The following FAM107B variants were observed in gnomAD, a reference collection of about 807,000 sequenced individuals.
FAM107B encodes the protein protein FAM107B.
In FAM107B, 21 loss-of-function variants were observed where a neutral mutation model predicts 31.5. That is an observed-to-expected ratio of 0.67 (90% CI 0.47 to 0.96). FAM107B has a LOEUF of 0.96. Among genes scored for constraint, FAM107B ranks in the 40% least tolerant of loss-of-function variants. The pLI, the probability that FAM107B is intolerant of heterozygous loss-of-function variation, is 0.00. For missense variants in FAM107B, 452 were observed against 377.1 expected, an observed-to-expected ratio of 1.20 and a Z score of -1.64; for synonymous variants, 157 against 141.5, an observed-to-expected ratio of 1.11 and a Z score of -0.78.
rs182997801 is a variant in FAM107B at position 14,533,931 on chromosome 10, G to T, written c.470-3416C>A. Among the ~76,000 whole-genome samples the T allele has an allele frequency of 2.2e-3, 335 of 152,260 alleles. 2 individuals carry two copies. The highest frequency in any genetic ancestry group is 7.3e-3 in the African/African-American group (305 of 41,562). On this transcript the variant is annotated intron_variant, in intron 2 of 4. Transcript: ENST00000181796. ...CGGGCACTGCGAGCCGGTGCAGGAG[G>T]GGGGGGCTGCGGTTGACTTTTCAGA...
intron 2 of FAM107B, among the ~76,000 whole-genome samples, chr10:14,649,459 C>G (rs1429765398): frequency 6.6e-6 from 1 of 152,186 alleles, no homozygotes; most frequent in Non-Finnish European, 1.5e-5. Flanking sequence ...ACCATCTAGT[C>G]TCTCTGAAGC....
intron 1 of FAM107B, chr10:14,723,803 T>G (rs556444403): frequency 1.3e-6 from 1 of 757,824 alleles, no homozygotes; most frequent in Admixed American, 1.7e-5. Flanking sequence ...AGCAGGGCCC[T>G]CTGGCCAGTA....
intron 1 of FAM107B, among the ~76,000 whole-genome samples, chr10:14,770,990 A>T (rs1833289313): frequency 1.3e-5 from 2 of 150,578 alleles, no homozygotes; most frequent in African/African-American, 4.8e-5. Context: ...AAAAAAAAAA[A>T]AAAAAAAAAA....
intron 2 of FAM107B, among the ~76,000 whole-genome samples, chr10:14,580,276 C>T (rs111955156): frequency 6.6e-6 from 1 of 152,020 alleles, no homozygotes; most frequent in African/African-American, 2.4e-5. Flanking sequence ...AGGAGAATGG[C>T]GTGAACCCAG....
chr10:14,595,919 G>C (rs1852174428), intron 2 of FAM107B, among the ~76,000 whole-genome samples: 1 of 152,096 alleles, frequency 6.6e-6, no homozygotes, highest in African/African-American at 2.4e-5. Context: ...AGTCCCCGTG[G>C]CCCTCCACAA....
chr10:14,573,576 C>A lies in FAM107B; in HGVS notation c.470-43061G>T, dbSNP rs149817336. 3.7e-3 allele frequency among the ~76,000 whole-genome samples: 450 copies of A among 121,824 alleles called. 1 individual carries two copies. The highest frequency in any genetic ancestry group is 9.2e-3 in the Middle Eastern group (2 of 218). The allele number at this position is 121,824 out of a possible 152,430, so 79.9% of individuals were successfully genotyped here. On this transcript the variant is annotated intron_variant, in intron 2 of 4. Coordinates refer to ENST00000181796, the MANE Select transcript of FAM107B (RefSeq NM_031453.4). Reference sequence around the variant, plus strand: ...TGAAACCCCATCTCTATTAAAAATACAAAAAAAAAAAAAAAAAATTAGCAG... The same window carrying A: ...TGAAACCCCATCTCTATTAAAAATAAAAAAAAAAAAAAAAAAAATTAGCAG...
intron 2 of FAM107B, among the ~76,000 whole-genome samples, chr10:14,566,962 T>C (rs1416212605): frequency 1.3e-5 from 2 of 152,102 alleles, no homozygotes; most frequent in African/African-American, 2.4e-5. Context: ...CCATCCTGGC[T>C]AACACAGTAA....
chr10:14,727,691 T>G (rs1856069393), intron 1 of FAM107B, among the ~76,000 whole-genome samples: 1 of 152,208 alleles, frequency 6.6e-6, no homozygotes, highest in African/African-American at 2.4e-5. Flanking sequence ...GCAGCTGACT[T>G]AATAACAGAC....
Position 14,521,162 on chromosome 10 carries a change from A to T in FAM107B, c.*28T>A, listed in dbSNP as rs779476069. On this transcript the variant is annotated 3_prime_UTR_variant, in exon 5 of 5. Coordinates refer to ENST00000181796, the MANE Select transcript of FAM107B (RefSeq NM_031453.4). ...CACCCACAGACAGCTCTGTGGGGTG[A>T]CACACGAGGTCTTGGTGCAGCCTCA... 8 of 1,567,894 alleles carry T rather than the reference A, an allele frequency of 5.1e-6. No homozygotes were observed. Among genetic ancestry groups the T allele is most frequent in the Non-Finnish European group, 7.0e-6 (8 of 1,139,386 alleles).
In FAM107B at chr10:14,521,263, G is replaced by T; in HGVS notation, c.848C>A (p.Ala283Asp). ...GCCTTTCACCTTCACAAACTCGGGG[G>T]CATTTTCTTGCTCTTCTTGCAATTT... ...KQKLQEEQENAPEFVKVKGNL... is the reference protein window; with the variant it reads ...KQKLQEEQENDPEFVKVKGNL... The change falls in exon 5 of 5, where the codon GCC becomes GAC. Residue 283 changes from alanine (A) to aspartate (D), a missense_variant. By Grantham distance (126) the Ala-to-Asp change is moderately radical (BLOSUM62 -2). Coordinates refer to ENST00000181796, the MANE Select transcript of FAM107B (RefSeq NM_031453.4). 6.2e-7 allele frequency: 1 copy of T among 1,614,092 alleles called. No individual in the cohort carries two copies. The highest frequency in any genetic ancestry group is 8.5e-7 in the Non-Finnish European group (1 of 1,179,984).
At chr10:14,669,490 A>G (rs1854491672) in intron 1 of FAM107B, among the ~76,000 whole-genome samples, 1 of 152,176 alleles carries the variant, frequency 6.6e-6, no homozygotes, top group Non-Finnish European at 1.5e-5. Context: ...TCAACTATCA[A>G]CTTGAACATC....
rs567942649 is a variant in FAM107B at position 14,770,253 on chromosome 10, G to A, written c.411+4000C>T. On this transcript the variant is annotated intron_variant, in intron 1 of 4. Transcript: ENST00000181796. Reference sequence around the variant, plus strand: ...AAAAAATAAACAGCAGACCTGGCGCGGTGGCTCACACCTGTAATCCCAGCA... The same window carrying A: ...AAAAAATAAACAGCAGACCTGGCGCAGTGGCTCACACCTGTAATCCCAGCA... Among the ~76,000 whole-genome samples the A allele has an allele frequency of 4.6e-5, 7 of 152,236 alleles. No individual in the cohort carries two copies. In the East Asian group the frequency reaches 9.6e-4, roughly 21 times the overall value.
chr10:14,609,510 T>C (rs977479554), intron 2 of FAM107B, among the ~76,000 whole-genome samples: 2 of 152,200 alleles, frequency 1.3e-5, no homozygotes, highest in African/African-American at 4.8e-5. Context: ...CCTCATCATG[T>C]GGCCCTCCCC....
At position 14,671,119 on chromosome 10, in the gene FAM107B, C is replaced by T. The variant is rs1004714101; in HGVS notation, c.412-3428G>A. Among the ~76,000 whole-genome samples the T allele has an allele frequency of 2.6e-5, 4 of 152,202 alleles. No individual in the cohort carries two copies. In the East Asian group the frequency reaches 5.8e-4, roughly 22 times the overall value. On this transcript the variant is annotated intron_variant, in intron 1 of 4. Transcript: ENST00000181796. The stretch of plus-strand genomic sequence containing the variant: ...TAAAGAACTGTGGTTTTCTGTGCTC[C>T]GTGAAACCGACTCCTTCCCCACCAT...
intron 1 of FAM107B, among the ~76,000 whole-genome samples, chr10:14,702,867 C>T (rs191127927): frequency 3.3e-5 from 5 of 152,220 alleles, no homozygotes; most frequent in East Asian, 3.9e-4. Context: ...CAGACAGACC[C>T]ACCAAGAATT....
chr10:14,672,004 T>C (rs1854568523), intron 1 of FAM107B, among the ~76,000 whole-genome samples: 3 of 151,906 alleles, frequency 2.0e-5, no homozygotes, highest in Admixed American at 2.0e-4. Flanking sequence ...ACTCCAGCTC[T>C]GGGAAATCAG....
chr10:14,558,525 T>C (rs112141602), intron 2 of FAM107B, among the ~76,000 whole-genome samples: 3,451 of 152,354 alleles, frequency 0.023, 65 homozygotes, highest in East Asian at 0.089. Flanking sequence ...GGATGGCAAT[T>C]TCCAGAAGCA....
intron 2 of FAM107B, among the ~76,000 whole-genome samples, chr10:14,583,744 G>T (rs1851732822): frequency 6.6e-6 from 1 of 152,068 alleles, no homozygotes; most frequent in African/African-American, 2.4e-5. Flanking sequence ...GGAAACTACA[G>T]GGAAAAAGGA....
chr10:14,710,773 A>C (rs1430076499), intron 1 of FAM107B, among the ~76,000 whole-genome samples: 1 of 152,216 alleles, frequency 6.6e-6, no homozygotes, highest in Non-Finnish European at 1.5e-5. Context: ...GGATATAAAG[A>C]AAGAAAAAAT....
Sources: gnomAD v4.1 joint callset for allele counts (sites outside exome capture counted in the v4.1 genomes callset) on GRCh38, gnomAD v4.1.1 for gene constraint, MANE v1.5 for transcripts, NCBI Gene and HGNC (gene_info 2026-07-23, HGNC 2026-07-21) for gene names.